The following RABGAP1L variants were observed in gnomAD, a reference collection of about 807,000 sequenced individuals.
RABGAP1L encodes the protein rab GTPase-activating protein 1-like.
A neutral mutation model predicts 137.7 loss-of-function variants in RABGAP1L; 63 were observed. That is an observed-to-expected ratio of 0.46 (90% confidence interval 0.37 to 0.56). The LOEUF (loss-of-function observed/expected upper bound fraction) is 0.56. Among genes scored for constraint, RABGAP1L ranks in the 20% least tolerant of loss-of-function variants. RABGAP1L has a pLI of 0.00. For missense variants in RABGAP1L, 1,095 were observed against 1,244.0 expected, an observed-to-expected ratio of 0.88 and a Z score of 1.80; for synonymous variants, 431 against 433.7, an observed-to-expected ratio of 0.99 and a Z score of 0.08.
At chr1:174,712,478 G>A (rs188997149) in intron 17 of RABGAP1L, among the ~76,000 whole-genome samples, 1,673 of 152,214 alleles carry the variant, frequency 0.011, 44 homozygotes, top group African/African-American at 0.039. Flanking sequence ...TGAAGCCAGC[G>A]AGACCACGAA....
At chr1:174,655,142 A>T (rs943440375) in intron 14 of RABGAP1L, among the ~76,000 whole-genome samples, 2 of 152,120 alleles carry the variant, frequency 1.3e-5, no homozygotes, top group African/African-American at 2.4e-5. Context: ...TTTTTCTTAT[A>T]AACAAGGGTA....
At chr1:174,444,728 T>C (rs868721459) in intron 13 of RABGAP1L, among the ~76,000 whole-genome samples, 5 of 152,222 alleles carry the variant, frequency 3.3e-5, no homozygotes, top group Middle Eastern at 3.4e-3. Context: ...TTTGTTGGCA[T>C]ATATATTTTT....
chr1:174,876,120 TG>T (rs1452529339), intron 19 of RABGAP1L, among the ~76,000 whole-genome samples: 2 of 152,144 alleles, frequency 1.3e-5, no homozygotes, highest in Non-Finnish European at 2.9e-5. Flanking sequence ...TTAATGTAGA[TG>T]AAAAAAATAC....
intron 19 of RABGAP1L, among the ~76,000 whole-genome samples, chr1:174,825,954 TTGCGAGA>T (rs1691524047): frequency 6.6e-6 from 1 of 152,122 alleles, no homozygotes; most frequent in Admixed American, 6.5e-5. Context: ...CATGAATATA[TTGCGAGA>T]TGCTGAGGCT....
At chr1:174,782,588 C>T (rs548955917) in intron 18 of RABGAP1L, among the ~76,000 whole-genome samples, 1 of 152,172 alleles carries the variant, frequency 6.6e-6, no homozygotes, top group Non-Finnish European at 1.5e-5. Context: ...ATTTGTTACT[C>T]TTCTCTGGAG....
At chr1:174,305,661 C>T (rs1678149689) in intron 11 of RABGAP1L, among the ~76,000 whole-genome samples, 1 of 152,094 alleles carries the variant, frequency 6.6e-6, no homozygotes, top group South Asian at 2.1e-4. Context: ...GCTGGGATTA[C>T]AGGCGTGAGC....
intron 19 of RABGAP1L, among the ~76,000 whole-genome samples, chr1:174,867,576 G>A (rs1651492488): frequency 6.6e-6 from 1 of 152,078 alleles, no homozygotes; most frequent in Non-Finnish European, 1.5e-5. Context: ...ACCTGATGTA[G>A]GTGGGAAAAA....
chr1:174,750,653 G>T (rs1684276745), intron 17 of RABGAP1L, among the ~76,000 whole-genome samples: 1 of 152,196 alleles, frequency 6.6e-6, no homozygotes, highest in South Asian at 2.1e-4. Context: ...AGGAAAGGAG[G>T]AGTAGCAAAC....
intron 11 of RABGAP1L, among the ~76,000 whole-genome samples, chr1:174,313,776 GT>G (rs1679093847): frequency 6.6e-6 from 1 of 152,020 alleles, no homozygotes; most frequent in Admixed American, 6.6e-5. Flanking sequence ...AATGATCATA[GT>G]TTTTTTCCTT....
chr1:174,383,439 G>A (rs895021448), intron 12 of RABGAP1L, among the ~76,000 whole-genome samples: 62 of 151,934 alleles, frequency 4.1e-4, no homozygotes, highest in African/African-American at 1.4e-3. Flanking sequence ...AGCAATCAGC[G>A]AGATTCCGTT....
rs528602586 is a variant in RABGAP1L, at chr1:174,889,327, T to C, written c.2341-68130T>C. 7.2e-5 allele frequency among the ~76,000 whole-genome samples: 11 copies of C among 152,198 alleles called. No homozygotes were observed. In the South Asian group the frequency reaches 2.3e-3, roughly 32 times the overall value. On this transcript the variant is annotated intron_variant, in intron 19 of 25. Transcript: ENST00000681986. ...TTAGTAGAGACAGGGTTTCACCATATTGGGCAGGCTGGTCTCGAACTGTTG... is the reference window on the plus strand; with the variant it reads ...TTAGTAGAGACAGGGTTTCACCATACTGGGCAGGCTGGTCTCGAACTGTTG...
At chr1:174,367,222 CA>C (rs1684715306) in intron 11 of RABGAP1L, 1 of 152,574 alleles carries the variant, frequency 6.6e-6, no homozygotes, top group Non-Finnish European at 1.5e-5. Context: ...CTATTTATGT[CA>C]AATTGTAGGG....
intron 13 of RABGAP1L, among the ~76,000 whole-genome samples, chr1:174,431,895 T>A (rs1184226889): frequency 1.3e-5 from 2 of 152,206 alleles, no homozygotes; most frequent in African/African-American, 2.4e-5. Context: ...AGATGCCTAA[T>A]GTAATAGAGT....
intron 14 of RABGAP1L, among the ~76,000 whole-genome samples, chr1:174,659,036 C>T (rs188876800): frequency 3.9e-5 from 6 of 152,246 alleles, no homozygotes; most frequent in Admixed American, 2.6e-4. Context: ...ATCCAGGCAG[C>T]TCCATATTCA....
chr1:174,313,755 G>A (rs912499019), intron 11 of RABGAP1L, among the ~76,000 whole-genome samples: 1 of 152,054 alleles, frequency 6.6e-6, no homozygotes, highest in African/African-American at 2.4e-5. Flanking sequence ...TGCTTTTTCA[G>A]TATCAATTCA....
At chr1:174,699,764 A>C in intron 16 of RABGAP1L, 114 bp downstream of exon 16, 1 of 1,047,832 alleles carries the variant, frequency 9.5e-7, no homozygotes, top group Non-Finnish European at 1.4e-6. Context: ...TATTATAGAA[A>C]ATGTACATGG....
chr1:174,876,060 A>C (rs968904033), intron 19 of RABGAP1L, among the ~76,000 whole-genome samples: 2 of 152,054 alleles, frequency 1.3e-5, no homozygotes. Flanking sequence ...CAGTTGTAAA[A>C]CTCTACTAAT....
intron 14 of RABGAP1L, among the ~76,000 whole-genome samples, chr1:174,639,220 T>C (rs72715270): frequency 0.03 from 4,511 of 152,194 alleles, 98 homozygotes; most frequent in Non-Finnish European, 0.044. Context: ...TTTTGGAGGA[T>C]TATAAATATA....
At chr1:174,203,312 T>A (rs1282961999) in intron 1 of RABGAP1L, among the ~76,000 whole-genome samples, 1 of 152,208 alleles carries the variant, frequency 6.6e-6, no homozygotes, top group Non-Finnish European at 1.5e-5. Context: ...ATGGTCCATC[T>A]TCAGTGTTCT....
Sources: gnomAD v4.1 joint callset for allele counts (sites outside exome capture counted in the v4.1 genomes callset) on GRCh38, gnomAD v4.1.1 for gene constraint, MANE v1.5 for transcripts, NCBI Gene and HGNC (gene_info 2026-07-23, HGNC 2026-07-21) for gene names.